Variants in ATP12A observed in about 807,000 individuals in gnomAD.
The protein encoded by ATP12A is potassium-transporting ATPase alpha chain 2.
In ATP12A, 81 loss-of-function variants were observed where a neutral mutation model predicts 111.2. That is an observed-to-expected ratio of 0.73 (90% CI 0.61 to 0.88). The LOEUF (loss-of-function observed/expected upper bound fraction) is 0.88, where lower values mean the gene tolerates loss of function less well. ATP12A is among the 40% of genes least tolerant of loss of function. ATP12A has a pLI of 0.00. For synonymous variants in ATP12A, 498 were observed against 499.8 expected (o/e 1.00, Z 0.05); for missense variants, 1,196 against 1,313.1 (o/e 0.91, Z 1.38).
rs1874627714 is a variant in ATP12A, at chr13:24,685,291, G to A, written c.169-23G>A. ...CTTTTGGAATTATCTAATTCACTCT[G>A]TTCTTCCTTTCATGGACTTCAGGAT... On this transcript the variant is annotated intron_variant, in intron 2 of 22. Transcript: ENST00000381946. The surrounding 1 kb of genome is among the most constrained non-coding windows in gnomAD (Gnocchi z 5.5). 1.9e-6 allele frequency: 3 copies of A among 1,610,444 alleles called. No homozygotes were observed. The highest frequency in any genetic ancestry group is 1.3e-5 in the African/African-American group (1 of 74,950).
Position 24,685,370 on chromosome 13 carries a change from T to C in ATP12A, c.225T>C (p.Ile75=). 1 of 1,614,062 alleles carries C rather than the reference T, an allele frequency of 6.2e-7. No homozygotes were observed. Among genetic ancestry groups the C allele is most frequent in the Non-Finnish European group, 8.5e-7 (1 of 1,179,914 alleles). Residue 75 remains isoleucine (I), a synonymous_variant, in exon 3 of 23, where the codon ATT becomes ATC. Coordinates refer to ENST00000381946, the MANE Select transcript of ATP12A (RefSeq NM_001676.7). The surrounding 1 kb of genome is among the most constrained non-coding windows in gnomAD (Gnocchi z 5.5). ...AAGAGAAATATGGCACAGACATCAT[T>C]ATGGTGAGTCGTGGGAACCAGGGAT... is the stretch of plus-strand genomic sequence containing the variant. ...ELEEKYGTDI[I]MGLSSTRAAE... is the part of the protein sequence containing the mutation.
intron 1 of ATP12A, 115 bp downstream of exon 1, chr13:24,680,867 G>C (rs569593512): frequency 2.2e-6 from 3 of 1,371,016 alleles, no homozygotes; most frequent in Non-Finnish European, 2.8e-6. Context: ...GCCCCGTCCC[G>C]GGGCAAGGGG....
intron 15 of ATP12A, 50 bp from the exon 16 acceptor site, chr13:24,706,973 A>C: frequency 2.0e-6 from 3 of 1,526,862 alleles, no homozygotes; most frequent in Non-Finnish European, 2.6e-6. Context: ...CAGGCCTGCA[A>C]CCCACTGGGC....
intron 11 of ATP12A, among the ~76,000 whole-genome samples, chr13:24,697,639 CA>C (rs67009964): frequency 0.054 from 5,187 of 96,758 alleles, 116 homozygotes; most frequent in East Asian, 0.19. Flanking sequence ...GACCCCGTCT[CA>C]AAAAAAAAAA....
chr13:24,696,927 A>G (rs935711614), intron 11 of ATP12A, among the ~76,000 whole-genome samples: 2 of 152,212 alleles, frequency 1.3e-5, no homozygotes, highest in Non-Finnish European at 2.9e-5. Flanking sequence ...CCTGTGTCTT[A>G]TTGATTAGAA....
At chr13:24,691,358 C>T in intron 8 of ATP12A, 108 bp downstream of exon 8, 1 of 1,331,136 alleles carries the variant, frequency 7.5e-7, no homozygotes, top group East Asian at 2.5e-5. Flanking sequence ...GAGCACCACG[C>T]CCTCCCCGCC....
Position 24,698,688 on chromosome 13 carries a change from G to C in ATP12A, c.1543G>C (p.Gly515Arg). ...CATCCACGAGATGGATGACCCCCAC[G>C]GCAAGCGCTTCCTCATGGTGATGAA... ...LSIHEMDDPH[G>R]KRFLMVMKGA... is the part of the protein sequence containing the mutation. The change falls in exon 12 of 23, where the codon GGC (glycine) becomes CGC (arginine). Residue 515 changes from glycine (G) to arginine (R), a missense_variant. Physicochemically the swap from Gly to Arg is moderately radical, Grantham distance 125 (BLOSUM62 -2). Transcript: ENST00000381946. The C allele has an allele frequency of 1.2e-6, 2 of 1,613,664 alleles. No individual in the cohort carries two copies.
At chr13:24,706,646 C>A (rs995263565) in intron 15 of ATP12A, among the ~76,000 whole-genome samples, 183 bp downstream of exon 15, 1 of 152,200 alleles carries the variant, frequency 6.6e-6, no homozygotes, top group African/African-American at 2.4e-5. Context: ...TCCTTTGAGA[C>A]CCCCACCACA....
intron 12 of ATP12A, among the ~76,000 whole-genome samples, chr13:24,700,322 C>G (rs1035884369): frequency 6.6e-5 from 10 of 151,994 alleles, no homozygotes; most frequent in Non-Finnish European, 1.5e-4. Flanking sequence ...CCTTTTTTCC[C>G]TAGAAATCAT....
chr13:24,700,498 G>T (rs1377498705), intron 12 of ATP12A, among the ~76,000 whole-genome samples: 1 of 152,122 alleles, frequency 6.6e-6, no homozygotes, highest in Non-Finnish European at 1.5e-5. Flanking sequence ...TATTGCCCTA[G>T]AACTTGGCAA....
chr13:24,706,210 T>C, intron 14 of ATP12A, 103 bp from the exon 15 acceptor site: 2 of 1,470,618 alleles, frequency 1.4e-6, no homozygotes, highest in Middle Eastern at 4.5e-4. Context: ...GACACTGGGT[T>C]CCAGGTCAAG....
Position 24,701,977 on chromosome 13 carries a change from A to G in ATP12A, c.1924A>G (p.Ile642Val). The G allele has an allele frequency of 1.2e-6, 2 of 1,614,214 alleles. No homozygotes were observed. Among genetic ancestry groups the G allele is most frequent in the Non-Finnish European group, 1.7e-6 (2 of 1,180,032 alleles). ...TGDHPITAKA[I>V]AKSVGIISAN... is the part of the protein sequence containing the mutation. ...TGATCATCCCATCACAGCCAAAGCT[A>G]TTGCCAAGAGTGTGGGGATCATTTC... Residue 642 changes from isoleucine to valine, a missense_variant, in exon 14 of 23, where the codon ATT becomes GTT. By Grantham distance (29) the Ile-to-Val change is conservative. Transcript: ENST00000381946.
chr13:24,705,863 G>A (rs540614808), intron 14 of ATP12A, among the ~76,000 whole-genome samples: 1 of 152,014 alleles, frequency 6.6e-6, no homozygotes, highest in Admixed American at 6.5e-5. Context: ...GTAGAGACAG[G>A]GGCTCTCACT....
Position 24,690,694 on chromosome 13 carries a change from T to A in ATP12A, c.772T>A (p.Cys258Ser). 1 of 1,613,934 alleles carries A rather than the reference T, an allele frequency of 6.2e-7. No homozygotes were observed. Among genetic ancestry groups the A allele is most frequent in the East Asian group, 2.2e-5 (1 of 44,876 alleles). ...HENPLETKNI[C>S]FYSTTCLEGT... is the part of the protein sequence containing the mutation. ...AAACCCCCTGGAAACAAAGAACATC[T>A]GCTTCTATTCCACAACGTGTCTGGA... Residue 258 changes from cysteine (C) to serine (S), a missense_variant, in exon 7 of 23, where the codon TGC becomes AGC. Physicochemically the swap from Cys to Ser is moderately radical, Grantham distance 112. Around this residue, in one of 3 missense-constraint regions of ATP12A, gnomAD observed 1,126 missense variants for 1,228.5 expected, o/e 0.92. Transcript: ENST00000381946.
chr13:24,695,018 A>G (rs1303323965), intron 11 of ATP12A, among the ~76,000 whole-genome samples: 1 of 152,204 alleles, frequency 6.6e-6, no homozygotes, highest in Non-Finnish European at 1.5e-5. Flanking sequence ...CCCTCGACCT[A>G]CGTGGCCTTG....
intron 5 of ATP12A, 54 bp downstream of exon 5, chr13:24,689,429 C>T (rs1874788691): frequency 2.0e-6 from 3 of 1,513,236 alleles, no homozygotes; most frequent in African/African-American, 1.4e-5. Context: ...GTGAGGAAGC[C>T]TCAGCTGGGA....
chr13:24,705,027 C>T (rs1008630751), intron 14 of ATP12A, among the ~76,000 whole-genome samples: 5 of 151,892 alleles, frequency 3.3e-5, no homozygotes, highest in African/African-American at 1.2e-4. Context: ...TGTTTTTTTG[C>T]CAGCGGTTAA....
chr13:24,704,368 T>G (rs1875524863), intron 14 of ATP12A: 4 of 152,306 alleles, frequency 2.6e-5, no homozygotes, highest in Admixed American at 2.6e-4. Context: ...TTGCTTCTTT[T>G]TTATATTTGC....
In ATP12A at chr13:24,692,902, G is replaced by C. The variant is rs750867795; in HGVS notation, c.1377+6G>C. Reference sequence around the variant, plus strand: ...AAAATGTCCCCATCATGAAGGTAATGCTTCTGCAGCACTTGGTCTTAAATC... The same window carrying C: ...AAAATGTCCCCATCATGAAGGTAATCCTTCTGCAGCACTTGGTCTTAAATC... On this transcript the variant is annotated splice_donor_region_variant and intron_variant, in intron 10 of 22. Transcript: ENST00000381946. The C allele has an allele frequency of 2.5e-6, 4 of 1,610,528 alleles. No individual in the cohort carries two copies. The East Asian group carries it at 8.9e-5, about 36-fold the overall frequency.
Sources: allele counts gnomAD v4.1 joint callset (sites outside exome capture counted in the v4.1 genomes callset), GRCh38; gene constraint gnomAD v4.1.1; regional missense constraint gnomAD v4.1.1; non-coding constraint Gnocchi (gnomAD v3.1); transcripts MANE v1.5; gene names NCBI Gene and HGNC (gene_info 2026-07-23, HGNC 2026-07-21).